The following RIMS2 variants were observed in gnomAD, a reference collection of about 807,000 sequenced individuals.
The protein encoded by RIMS2 is regulating synaptic membrane exocytosis protein 2.
RIMS2 carries 59 observed loss-of-function variants against 174.4 expected under a neutral mutation model. The ratio of observed to expected loss-of-function variants is 0.34; its 90% confidence interval spans 0.27 to 0.42. The LOEUF (loss-of-function observed/expected upper bound fraction) is 0.42. RIMS2 is among the 10% of genes least tolerant of loss of function. RIMS2 has a pLI of 1.00. For synonymous variants in RIMS2, 606 were observed against 572.5 expected, an observed-to-expected ratio of 1.06 and a Z score of -0.84; for missense variants, 1,620 against 1,666.3, an observed-to-expected ratio of 0.97 and a Z score of 0.48.
At chr8:103,860,180 T>A (rs1218558164) in intron 3 of RIMS2, among the ~76,000 whole-genome samples, 1 of 152,120 alleles carries the variant, frequency 6.6e-6, no homozygotes, top group Admixed American at 6.6e-5. Flanking sequence ...ATTCTCAAAT[T>A]TATTGCCTAT....
chr8:103,879,304 C>T (rs1292064781), intron 3 of RIMS2, among the ~76,000 whole-genome samples: 2 of 151,324 alleles, frequency 1.3e-5, no homozygotes, highest in East Asian at 3.9e-4. Context: ...CAAGAGAACT[C>T]ACTGAGGGGG....
intron 2 of RIMS2, among the ~76,000 whole-genome samples, chr8:103,705,710 GT>G (rs905810796): frequency 1.3e-5 from 2 of 151,758 alleles, no homozygotes; most frequent in Non-Finnish European, 2.9e-5. Context: ...CATTTTTACA[GT>G]TTTTTACTTG....
At chr8:103,609,461 C>T (rs28890031) in intron 1 of RIMS2, among the ~76,000 whole-genome samples, 57,184 of 151,896 alleles carry the variant, frequency 0.38, 11,087 homozygotes, top group African/African-American at 0.4. Context: ...CTTTCCTAGA[C>T]TATCTTCCAG....
intron 3 of RIMS2, among the ~76,000 whole-genome samples, chr8:103,842,125 C>G (rs2098943514): frequency 6.6e-6 from 1 of 152,150 alleles, no homozygotes. Context: ...TTATTAACCT[C>G]ATTTTAGGTA....
At chr8:103,631,230 T>C (rs1350892339) in intron 1 of RIMS2, among the ~76,000 whole-genome samples, 1 of 152,202 alleles carries the variant, frequency 6.6e-6, no homozygotes, top group African/African-American at 2.4e-5. Context: ...CTCGGTTTTC[T>C]TCCAGGGTTT....
intron 1 of RIMS2, among the ~76,000 whole-genome samples, chr8:103,571,529 C>G (rs2092804470): frequency 1.3e-5 from 2 of 152,144 alleles, no homozygotes; most frequent in Non-Finnish European, 1.5e-5. Context: ...GTTTGACACA[C>G]AGATTTCTTA....
At chr8:104,010,427 C>T (rs2095719308) in intron 17 of RIMS2, among the ~76,000 whole-genome samples, 2 of 151,994 alleles carry the variant, frequency 1.3e-5, no homozygotes, top group African/African-American at 2.4e-5. Flanking sequence ...TTATTGTGGC[C>T]TATTGTCAGT....
At chr8:103,598,964 T>C (rs1269923510) in intron 1 of RIMS2, among the ~76,000 whole-genome samples, 2 of 152,078 alleles carry the variant, frequency 1.3e-5, no homozygotes, top group Non-Finnish European at 2.9e-5. Context: ...AGCTAAAACA[T>C]ATTGATCTTT....
intron 16 of RIMS2, among the ~76,000 whole-genome samples, chr8:103,987,348 T>C (rs2094435098): frequency 6.6e-6 from 1 of 152,106 alleles, no homozygotes; most frequent in South Asian, 2.1e-4. Context: ...TGAATTTAAA[T>C]CATGTCGGTG....
chr8:104,211,567 A>ATTTT (rs10699798), intron 19 of RIMS2, among the ~76,000 whole-genome samples: 2 of 141,822 alleles, frequency 1.4e-5, no homozygotes, highest in African/African-American at 5.0e-5. Context: ...CCAATGTGGA[A>ATTTT]TTTTTTTTTT....
chr8:103,866,220 C>T (rs1156501692), intron 3 of RIMS2, among the ~76,000 whole-genome samples: 1 of 152,076 alleles, frequency 6.6e-6, no homozygotes, highest in African/African-American at 2.4e-5. Flanking sequence ...ACAGGGACTA[C>T]CTTCATAATG....
At chr8:103,562,677 C>G (rs945255378) in intron 1 of RIMS2, among the ~76,000 whole-genome samples, 2 of 152,166 alleles carry the variant, frequency 1.3e-5, no homozygotes, top group East Asian at 3.9e-4. Context: ...TCTCATAGCT[C>G]CACTAGGCGG....
At chr8:103,566,164 C>T (rs2092324862) in intron 1 of RIMS2, among the ~76,000 whole-genome samples, 1 of 152,122 alleles carries the variant, frequency 6.6e-6, no homozygotes, top group Non-Finnish European at 1.5e-5. Context: ...AAATCCAGTG[C>T]CATGTTAGAT....
At chr8:104,117,734 CTTTAT>C (rs967376211) in intron 19 of RIMS2, among the ~76,000 whole-genome samples, 5 of 152,102 alleles carry the variant, frequency 3.3e-5, no homozygotes, top group African/African-American at 7.2e-5. Context: ...TTGTCTTCTG[CTTTAT>C]TTTATCAAAG....
intron 19 of RIMS2, among the ~76,000 whole-genome samples, chr8:104,064,830 C>T (rs1470433633): frequency 6.6e-6 from 1 of 151,912 alleles, no homozygotes; most frequent in African/African-American, 2.4e-5. Flanking sequence ...GTCCCATTAC[C>T]ATCTCAATCA....
chr8:103,711,156 A>G (rs921753629), intron 2 of RIMS2, among the ~76,000 whole-genome samples: 4 of 152,166 alleles, frequency 2.6e-5, no homozygotes, highest in East Asian at 3.8e-4. Flanking sequence ...CTATTTTTCA[A>G]AAGAAAGGTA....
chr8:104,151,405 C>CAAAA (rs1222084626), intron 19 of RIMS2, among the ~76,000 whole-genome samples: 2 of 152,150 alleles, frequency 1.3e-5, no homozygotes, highest in East Asian at 3.9e-4. Flanking sequence ...CCTATCTCTA[C>CAAAA]AAAAAATACA....
intron 19 of RIMS2, among the ~76,000 whole-genome samples, chr8:104,134,296 C>T (rs1248874119): frequency 6.6e-6 from 1 of 152,078 alleles, no homozygotes. Context: ...GAGATCTCAT[C>T]TCTACTAAAA....
At chr8:103,849,206 C>T (rs374823487) in intron 3 of RIMS2, among the ~76,000 whole-genome samples, 1 of 152,134 alleles carries the variant, frequency 6.6e-6, no homozygotes, top group East Asian at 1.9e-4. Flanking sequence ...CCACTTACAG[C>T]AGTGATGGAG....
Sources: allele counts gnomAD v4.1 joint callset (sites outside exome capture counted in the v4.1 genomes callset), GRCh38; gene constraint gnomAD v4.1.1; transcripts MANE v1.5; gene names NCBI Gene and HGNC (gene_info 2026-07-23, HGNC 2026-07-21).